The following CAMTA1 variants were observed in gnomAD, a reference collection of about 807,000 sequenced individuals.
CAMTA1 encodes the protein calmodulin-binding transcription activator 1.
A neutral mutation model predicts 170.9 loss-of-function variants in CAMTA1; 27 were observed. The ratio of observed to expected loss-of-function variants is 0.16; its 90% CI spans 0.12 to 0.22. The LOEUF (loss-of-function observed/expected upper bound fraction) is 0.22. CAMTA1 is among the 10% of genes least tolerant of loss of function. The pLI is 1.00. For missense variants in CAMTA1, 1,619 were observed against 2,217.2 expected (o/e 0.73, Z 5.42); for synonymous variants, 833 against 891.5 (o/e 0.93, Z 1.17).
intron 5 of CAMTA1, among the ~76,000 whole-genome samples, chr1:7,261,434 G>A (rs759117751): frequency 7.2e-5 from 11 of 152,166 alleles, no homozygotes; most frequent in Non-Finnish European, 1.5e-4. Flanking sequence ...AACAGATTGG[G>A]TTAAGTCTTG....
intron 1 of CAMTA1, among the ~76,000 whole-genome samples, chr1:6,794,831 A>G (rs1338600761): frequency 1.3e-5 from 2 of 152,014 alleles, no homozygotes; most frequent in South Asian, 2.1e-4. Flanking sequence ...AAGTAAATCA[A>G]ATTTTTATAA....
At chr1:7,396,089 T>G (rs1324459439) in intron 5 of CAMTA1, among the ~76,000 whole-genome samples, 1 of 152,182 alleles carries the variant, frequency 6.6e-6, no homozygotes, top group African/African-American at 2.4e-5. Context: ...AGATGGGACC[T>G]AATGGGAGGT....
intron 4 of CAMTA1, among the ~76,000 whole-genome samples, chr1:7,128,154 G>GT (rs1645039276): frequency 6.6e-6 from 1 of 152,206 alleles, no homozygotes; most frequent in South Asian, 2.1e-4. Context: ...GAGGAATCAA[G>GT]TGCGTCCGGT....
At chr1:6,858,194 G>A (rs918276818) in intron 3 of CAMTA1, among the ~76,000 whole-genome samples, 10 of 152,022 alleles carry the variant, frequency 6.6e-5, no homozygotes, top group Non-Finnish European at 7.4e-5. Context: ...TGCTTTTAAA[G>A]GATTTTAACT....
At chr1:6,951,126 T>C (rs1019955339) in intron 3 of CAMTA1, among the ~76,000 whole-genome samples, 1 of 152,174 alleles carries the variant, frequency 6.6e-6, no homozygotes, top group African/African-American at 2.4e-5. Context: ...CCAAGACAGG[T>C]CCTAGAGGAG....
chr1:7,428,793 G>A (rs191948030), intron 5 of CAMTA1, among the ~76,000 whole-genome samples: 80 of 151,922 alleles, frequency 5.3e-4, no homozygotes, highest in South Asian at 2.1e-4. Flanking sequence ...CTTGTATTGC[G>A]TGGCCTTTGC....
chr1:7,272,498 T>C (rs1048523579), intron 5 of CAMTA1, among the ~76,000 whole-genome samples: 1 of 151,662 alleles, frequency 6.6e-6, no homozygotes, highest in East Asian at 1.9e-4. Context: ...CAAAACTTAC[T>C]GTAAAGCTAT....
intron 4 of CAMTA1, among the ~76,000 whole-genome samples, chr1:7,158,715 G>GT (rs1481235403): frequency 6.6e-6 from 1 of 152,152 alleles, no homozygotes; most frequent in African/African-American, 2.4e-5. Context: ...GGAAACAAGG[G>GT]TTTCCTCTGT....
intron 4 of CAMTA1, among the ~76,000 whole-genome samples, chr1:7,188,821 T>C (rs1653973367): frequency 6.6e-6 from 1 of 152,236 alleles, no homozygotes; most frequent in African/African-American, 2.4e-5. Context: ...TTGGGGTATA[T>C]ATCCAAAAGT....
chr1:7,257,432 A>G (rs17030631), intron 5 of CAMTA1, among the ~76,000 whole-genome samples: 90,864 of 152,016 alleles, frequency 0.6, 27,807 homozygotes, highest in African/African-American at 0.66. Context: ...TTGATCCAAG[A>G]GCTGTTGAGT....
intron 3 of CAMTA1, among the ~76,000 whole-genome samples, chr1:7,015,789 C>G (rs879532637): frequency 6.6e-6 from 1 of 150,606 alleles, no homozygotes; most frequent in African/African-American, 2.5e-5. Context: ...AGGATCGTGG[C>G]GGAAGGCAAA....
chr1:7,218,719 C>T (rs1660189395), intron 4 of CAMTA1, among the ~76,000 whole-genome samples: 1 of 152,152 alleles, frequency 6.6e-6, no homozygotes, highest in Admixed American at 6.5e-5. Flanking sequence ...CTAAACTCTC[C>T]ATGCTCGACG....
rs144209990 is a variant in CAMTA1 at position 7,493,276 on chromosome 1, CAT to C, written c.510+25377_510+25378del. Among the ~76,000 whole-genome samples, 15 of 39,350 alleles carry C rather than the reference CAT, an allele frequency of 3.8e-4. 1 individual carries two copies. The highest frequency in any genetic ancestry group is 1.4e-3 in the East Asian group (2 of 1,388). 25.8% of individuals were successfully genotyped at this position (39,350 alleles called of 152,430 possible). ...AAACCTACGTACACACGCACACAAA[CAT>C]ACACGCGCACAAACACAAACATACA... On this transcript the variant is annotated intron_variant, in intron 6 of 22. Transcript: ENST00000303635.
chr1:6,915,657 C>T (rs994389269), intron 3 of CAMTA1, among the ~76,000 whole-genome samples: 11 of 152,130 alleles, frequency 7.2e-5, no homozygotes, highest in Non-Finnish European at 1.0e-4. Context: ...CAGGGCTTGC[C>T]GGAGAGGGAG....
At chr1:7,400,601 G>T (rs932454772) in intron 5 of CAMTA1, among the ~76,000 whole-genome samples, 1 of 152,038 alleles carries the variant, frequency 6.6e-6, no homozygotes, top group African/African-American at 2.4e-5. Flanking sequence ...TGGTGGAATG[G>T]TCACCTCTCC....
intron 6 of CAMTA1, among the ~76,000 whole-genome samples, chr1:7,545,957 C>CTTTTTTT (rs70987353): frequency 7.6e-6 from 1 of 131,512 alleles, no homozygotes; most frequent in Non-Finnish European, 1.6e-5. Context: ...CTTTTCTTTT[C>CTTTTTTT]TTTTTTTTTT....
chr1:7,119,436 C>A (rs1489802877), intron 4 of CAMTA1, among the ~76,000 whole-genome samples: 4 of 152,172 alleles, frequency 2.6e-5, no homozygotes, highest in Admixed American at 2.6e-4. Flanking sequence ...AATATAATCC[C>A]TGGAAAGGAC....
intron 3 of CAMTA1, among the ~76,000 whole-genome samples, chr1:6,831,702 C>T (rs1168982898): frequency 2.6e-5 from 4 of 152,148 alleles, no homozygotes; most frequent in Non-Finnish European, 2.9e-5. Context: ...CTGTAATACA[C>T]AGTTTCTCTA....
intron 17 of CAMTA1, 117 bp downstream of exon 17, chr1:7,745,139 A>G: frequency 1.0e-6 from 1 of 954,590 alleles, no homozygotes; most frequent in Non-Finnish European, 1.6e-6. Flanking sequence ...CAAGGAAGGA[A>G]GGAAGCATGA....
Sources: allele counts gnomAD v4.1 joint callset (sites outside exome capture counted in the v4.1 genomes callset), GRCh38; gene constraint gnomAD v4.1.1; transcripts MANE v1.5; gene names NCBI Gene and HGNC (gene_info 2026-07-23, HGNC 2026-07-21).